ZDHHC11B: variants seen among roughly 807,000 people sequenced by gnomAD.
ZDHHC11B encodes zDHHC palmitoyltransferase 11B (putative).
Under a neutral mutation model 42.3 loss-of-function variants are expected in ZDHHC11B, and 17 were observed. The observed-to-expected ratio is 0.40, with a 90% CI of 0.27 to 0.60. The LOEUF is 0.60. ZDHHC11B is among the 20% of genes least tolerant of loss of function. ZDHHC11B has a pLI of 0.41. For synonymous variants in ZDHHC11B, 123 were observed against 193.5 expected, an observed-to-expected ratio of 0.64 and a Z score of 3.02; for missense variants, 262 against 463.2, an observed-to-expected ratio of 0.57 and a Z score of 3.99.
At chr5:732,652 C>T (rs556769070) in intron 11 of ZDHHC11B, 51 of 451,444 alleles carry the variant, frequency 1.1e-4, no homozygotes, top group Admixed American at 5.4e-4. Flanking sequence ...TGGGGAAGTG[C>T]GGTGAGGCGG....
intron 6 of ZDHHC11B, among the ~76,000 whole-genome samples, chr5:752,910 C>T (rs1356225807): frequency 1.2e-4 from 15 of 126,692 alleles, no homozygotes; most frequent in African/African-American, 3.3e-4. Flanking sequence ...GGAAAGAAGG[C>T]GGGTCTCTAA....
intron 12 of ZDHHC11B, among the ~76,000 whole-genome samples, chr5:720,722 A>C (rs1419496082): frequency 4.6e-5 from 7 of 151,732 alleles, no homozygotes; most frequent in Admixed American, 4.6e-4. Context: ...AAATATTGTT[A>C]ATGGGTGCAC....
chr5:727,968 G>T (rs1397635422), intron 12 of ZDHHC11B, among the ~76,000 whole-genome samples: 6 of 151,024 alleles, frequency 4.0e-5, no homozygotes, highest in Non-Finnish European at 7.4e-5. Context: ...CAAAAGACAC[G>T]ATAAACACAA....
intron 1 of ZDHHC11B, among the ~76,000 whole-genome samples, chr5:779,084 CA>C (rs1425406377): frequency 4.0e-5 from 6 of 151,284 alleles, no homozygotes; most frequent in African/African-American, 1.5e-4. Flanking sequence ...CATATCATTT[CA>C]TAAATTACCA....
intron 13 of ZDHHC11B, among the ~76,000 whole-genome samples, chr5:713,120 T>C (rs1317414941): frequency 6.6e-6 from 1 of 151,104 alleles, no homozygotes; most frequent in Non-Finnish European, 1.5e-5. Context: ...TTTCTCTTTC[T>C]GGGACTCTAA....
rs539279904 is a variant in ZDHHC11B, at chr5:741,762, A to C, written c.901-134T>G. ...TGGAGTTCTCTTGGGTCCTGAGTTC[A>C]GATCTCAGAACCACTTACGTGTGCA... On this transcript the variant is annotated intron_variant, in intron 9 of 13. Coordinates refer to ENST00000508859, the MANE Select transcript of ZDHHC11B (RefSeq NM_001351303.2). 1.5e-4 allele frequency: 90 copies of C among 616,732 alleles called. 10 individuals are homozygous for C. The East Asian group carries it at 2.6e-3, about 18-fold the overall frequency. 38.2% of individuals were successfully genotyped at this position (616,732 alleles called of 1,614,324 possible).
chr5:746,800 G>T (rs887416114), intron 8 of ZDHHC11B, among the ~76,000 whole-genome samples: 6 of 148,734 alleles, frequency 4.0e-5, no homozygotes, highest in East Asian at 2.1e-4. Context: ...TTTTAACCCA[G>T]GGAAACATTT....
intron 11 of ZDHHC11B, chr5:732,551 G>C: frequency 2.5e-6 from 1 of 405,438 alleles, no homozygotes; most frequent in Non-Finnish European, 4.9e-6. Context: ...GTGCAGGCAA[G>C]GGGCAAGTCT....
At chr5:780,809 A>G (rs1736904263) in intron 1 of ZDHHC11B, among the ~76,000 whole-genome samples, 1 of 151,978 alleles carries the variant, frequency 6.6e-6, no homozygotes, top group Non-Finnish European at 1.5e-5. Context: ...TCAGGCACTG[A>G]GAAGGCAGAG....
chr5:746,687 G>T (rs11134215), intron 8 of ZDHHC11B, among the ~76,000 whole-genome samples: 19,856 of 144,972 alleles, frequency 0.14, 711 homozygotes, highest in African/African-American at 0.29. Flanking sequence ...ACACTTGTTT[G>T]TGTCTCATTC....
chr5:735,897 A>C (rs1250167218), intron 10 of ZDHHC11B, among the ~76,000 whole-genome samples: 14 of 148,426 alleles, frequency 9.4e-5, no homozygotes, highest in Admixed American at 5.5e-4. Flanking sequence ...CTGAGAAAAC[A>C]GTAACACAAA....
chr5:784,224 C>A (rs1411762637), intron 1 of ZDHHC11B, among the ~76,000 whole-genome samples: 9 of 151,612 alleles, frequency 5.9e-5, no homozygotes, highest in Non-Finnish European at 1.2e-4. Context: ...TGGCTTCATT[C>A]CAGCCCTCCA....
chr5:781,040 A>G (rs1736922153), intron 1 of ZDHHC11B, among the ~76,000 whole-genome samples: 1 of 146,826 alleles, frequency 6.8e-6, no homozygotes, highest in Non-Finnish European at 1.5e-5. Context: ...GGGCCTGGAC[A>G]TGGCTCCCTG....
At chr5:772,797 C>A (rs1329091931) in intron 1 of ZDHHC11B, among the ~76,000 whole-genome samples, 1 of 151,774 alleles carries the variant, frequency 6.6e-6, no homozygotes, top group East Asian at 1.9e-4. Flanking sequence ...CTTCCAAAGC[C>A]CGCCTCTGCG....
chr5:758,681 C>A (rs116253224), intron 4 of ZDHHC11B, among the ~76,000 whole-genome samples: 100 of 151,678 alleles, frequency 6.6e-4, no homozygotes, highest in Middle Eastern at 3.4e-3. Flanking sequence ...GGGACTCCCC[C>A]CCACCAAGAT....
intron 1 of ZDHHC11B, among the ~76,000 whole-genome samples, chr5:771,597 C>G (rs1243399963): frequency 6.6e-6 from 1 of 151,646 alleles, no homozygotes; most frequent in African/African-American, 2.4e-5. Context: ...CCAGTTTTAT[C>G]GCTGACAACA....
chr5:770,310 C>A (rs1317235942), intron 1 of ZDHHC11B, among the ~76,000 whole-genome samples: 44 of 150,054 alleles, frequency 2.9e-4, no homozygotes, highest in African/African-American at 1.1e-3. Context: ...GCATGTCCAG[C>A]CCCGGGCAGA....
chr5:777,487 A>C (rs999247637), intron 1 of ZDHHC11B, among the ~76,000 whole-genome samples: 36 of 151,946 alleles, frequency 2.4e-4, no homozygotes, highest in African/African-American at 7.0e-4. Context: ...ACTGAGCGGC[A>C]AGATTTATTG....
chr5:749,876 T>C (rs150186384), intron 7 of ZDHHC11B, among the ~76,000 whole-genome samples: 2,626 of 116,084 alleles, frequency 0.023, 12 homozygotes, highest in African/African-American at 0.04. Flanking sequence ...TTGGGTCCGC[T>C]GAGGTCAGGG....
Sources: allele counts gnomAD v4.1 joint callset (sites outside exome capture counted in the v4.1 genomes callset), GRCh38; gene constraint gnomAD v4.1.1; transcripts MANE v1.5; gene names NCBI Gene and HGNC (gene_info 2026-07-23, HGNC 2026-07-21).